Variants in LRMDA observed in about 807,000 individuals in gnomAD.
LRMDA encodes the protein leucine rich melanocyte differentiation associated.
Under a neutral mutation model 29.8 loss-of-function variants are expected in LRMDA, and 18 were observed. That is an observed-to-expected ratio of 0.60 (90% CI 0.42 to 0.90). LRMDA has a LOEUF of 0.90. LRMDA is among the 40% of genes least tolerant of loss of function. LRMDA has a pLI of 0.00. For missense variants in LRMDA, 273 were observed against 273.9 expected (o/e 1.00, Z 0.02); for synonymous variants, 125 against 109.4 (o/e 1.14, Z -0.89).
chr10:76,508,443 C>T (rs759844301), intron 6 of LRMDA, among the ~76,000 whole-genome samples: 5 of 152,092 alleles, frequency 3.3e-5, no homozygotes, highest in Non-Finnish European at 7.4e-5. Context: ...ACCATGCTCT[C>T]CTATTTATAT....
intron 2 of LRMDA, among the ~76,000 whole-genome samples, chr10:75,691,575 G>T (rs751801794): frequency 6.6e-6 from 1 of 152,098 alleles, no homozygotes; most frequent in Non-Finnish European, 1.5e-5. Context: ...TGTCTAATTG[G>T]GGTGATGTGG....
intron 2 of LRMDA, among the ~76,000 whole-genome samples, chr10:75,463,174 G>A (rs186281643): frequency 6.6e-6 from 1 of 152,320 alleles, no homozygotes; most frequent in Admixed American, 6.5e-5. Context: ...TGAGGACAGG[G>A]TGACCTCAGC....
intron 5 of LRMDA, among the ~76,000 whole-genome samples, chr10:76,237,948 G>A (rs947292072): frequency 2.6e-5 from 4 of 151,834 alleles, no homozygotes; most frequent in Non-Finnish European, 5.9e-5. Flanking sequence ...GTGCCACCAC[G>A]CCTGGCTAAT....
intron 2 of LRMDA, among the ~76,000 whole-genome samples, chr10:75,721,363 T>G (rs1363442304): frequency 6.6e-6 from 1 of 152,218 alleles, no homozygotes; most frequent in Non-Finnish European, 1.5e-5. Context: ...ATTATAAGCA[T>G]AATGTATGTG....
At chr10:76,026,322 G>A (rs551119525) in intron 2 of LRMDA, among the ~76,000 whole-genome samples, 1 of 152,172 alleles carries the variant, frequency 6.6e-6, no homozygotes, top group Non-Finnish European at 1.5e-5. Context: ...GGGGAGCACT[G>A]CACTTTATGT....
chr10:76,031,457 T>G (rs1325646226), intron 2 of LRMDA, among the ~76,000 whole-genome samples: 2 of 152,068 alleles, frequency 1.3e-5, no homozygotes, highest in African/African-American at 4.8e-5. Context: ...TATTGGCCGT[T>G]TTTTTCTTAG....
intron 6 of LRMDA, among the ~76,000 whole-genome samples, chr10:76,468,860 A>C (rs915714826): frequency 2.0e-5 from 3 of 152,292 alleles, no homozygotes; most frequent in African/African-American, 4.8e-5. Flanking sequence ...CTAAAACATT[A>C]AGAGGCATGG....
At chr10:76,000,385 C>T (rs761374567) in intron 2 of LRMDA, among the ~76,000 whole-genome samples, 4 of 152,070 alleles carry the variant, frequency 2.6e-5, no homozygotes, top group Admixed American at 2.6e-4. Context: ...TGGAGGTGGT[C>T]GGGTGGGGTG....
chr10:76,122,685 G>A (rs558020506), intron 5 of LRMDA, among the ~76,000 whole-genome samples: 28 of 152,194 alleles, frequency 1.8e-4, no homozygotes, highest in African/African-American at 6.3e-4. Flanking sequence ...ATGCAAAGCC[G>A]GCCTCTTTCC....
At chr10:76,345,466 T>A (rs1426340734) in intron 6 of LRMDA, among the ~76,000 whole-genome samples, 1 of 148,220 alleles carries the variant, frequency 6.7e-6, no homozygotes, top group Non-Finnish European at 1.5e-5. Context: ...AGATATATAT[T>A]TATTTTATAT....
At chr10:76,160,079 C>T (rs947466454) in intron 5 of LRMDA, among the ~76,000 whole-genome samples, 9 of 151,986 alleles carry the variant, frequency 5.9e-5, no homozygotes, top group African/African-American at 1.9e-4. Context: ...TTGTGCCACT[C>T]TGGTGGGGGA....
At chr10:76,104,027 G>A (rs577663625) in intron 5 of LRMDA, among the ~76,000 whole-genome samples, 1 of 150,808 alleles carries the variant, frequency 6.6e-6, no homozygotes, top group African/African-American at 2.4e-5. Context: ...CAGCCTGGGT[G>A]ACAGAATGAG....
At chr10:76,106,598 CA>C (rs1240325876) in intron 5 of LRMDA, among the ~76,000 whole-genome samples, 4 of 152,168 alleles carry the variant, frequency 2.6e-5, no homozygotes, top group African/African-American at 9.7e-5. Flanking sequence ...GTATACCTGA[CA>C]GGGGTTATTT....
At chr10:76,116,206 G>A (rs1453945558) in intron 5 of LRMDA, among the ~76,000 whole-genome samples, 1 of 152,126 alleles carries the variant, frequency 6.6e-6, no homozygotes, top group Non-Finnish European at 1.5e-5. Context: ...GGGTAGAGCT[G>A]ATATTTCAAT....
intron 2 of LRMDA, among the ~76,000 whole-genome samples, chr10:75,499,126 C>A (rs1328458162): frequency 6.6e-6 from 1 of 152,154 alleles, no homozygotes; most frequent in Non-Finnish European, 1.5e-5. Flanking sequence ...TGAAATTCCT[C>A]CTCCTCCTGG....
At chr10:75,605,565 T>A (rs1840945730) in intron 2 of LRMDA, among the ~76,000 whole-genome samples, 1 of 152,166 alleles carries the variant, frequency 6.6e-6, no homozygotes, top group African/African-American at 2.4e-5. Flanking sequence ...GATTGGAGAG[T>A]GACAGCAGGA....
At chr10:76,555,813 A>C (rs1419344729) in intron 6 of LRMDA, among the ~76,000 whole-genome samples, 1 of 147,126 alleles carries the variant, frequency 6.8e-6, no homozygotes, top group African/African-American at 2.6e-5. Context: ...TCACACTATC[A>C]CACTGATGGA....
chr10:75,598,723 C>T (rs958156545), intron 2 of LRMDA, among the ~76,000 whole-genome samples: 2 of 152,156 alleles, frequency 1.3e-5, no homozygotes, highest in Non-Finnish European at 2.9e-5. Flanking sequence ...CTCCTCCTTC[C>T]GCGGTCTTTC....
chr10:76,265,034 C>T (rs941909353), intron 5 of LRMDA, among the ~76,000 whole-genome samples: 3 of 152,268 alleles, frequency 2.0e-5, no homozygotes, highest in Middle Eastern at 3.4e-3. Flanking sequence ...TGACAGTTAT[C>T]CTCTAAGTTA....
Sources: gnomAD v4.1 joint callset for allele counts (sites outside exome capture counted in the v4.1 genomes callset) on GRCh38, gnomAD v4.1.1 for gene constraint, MANE v1.5 for transcripts, NCBI Gene and HGNC (gene_info 2026-07-23, HGNC 2026-07-21) for gene names.